The following IL10RB variants were observed in gnomAD, a reference collection of about 807,000 sequenced individuals.
The protein encoded by IL10RB is interleukin-10 receptor subunit beta.
In IL10RB, 30 loss-of-function variants were observed where a neutral mutation model predicts 38.7. The observed-to-expected ratio is 0.78, with a 90% CI of 0.58 to 1.05. The LOEUF (loss-of-function observed/expected upper bound fraction) is 1.05, where lower values mean the gene tolerates loss of function less well. Among genes scored for constraint, IL10RB ranks in the 50% least tolerant of loss-of-function variants. IL10RB has a pLI of 0.00. For synonymous variants in IL10RB, 142 were observed against 145.9 expected (o/e 0.97, Z 0.19); for missense variants, 328 against 397.1 (o/e 0.83, Z 1.48).
chr21:33,285,839 C>T (rs1316697601), intron 5 of IL10RB, among the ~76,000 whole-genome samples: 1 of 152,160 alleles, frequency 6.6e-6, no homozygotes, highest in Non-Finnish European at 1.5e-5. Flanking sequence ...CCTCACGTGT[C>T]CAGCTGTGGT....
downstream of IL10RB, among the ~76,000 whole-genome samples, chr21:33,299,140 C>A (rs1187442964): frequency 1.3e-5 from 2 of 152,198 alleles, no homozygotes; most frequent in Non-Finnish European, 2.9e-5. Flanking sequence ...TCCCTCTGCA[C>A]AAGGAAGCTC....
intron 2 of IL10RB, among the ~76,000 whole-genome samples, chr21:33,274,198 T>G (rs1016113725): frequency 1.3e-5 from 2 of 152,206 alleles, no homozygotes; most frequent in Non-Finnish European, 2.9e-5. Context: ...TTTTATTTTA[T>G]TTTTTAAGAT....
At chr21:33,303,633 G>T (rs1468789370) in intron 1 of IL10RB, among the ~76,000 whole-genome samples, 1 of 152,142 alleles carries the variant, frequency 6.6e-6, no homozygotes, top group East Asian at 1.9e-4. Flanking sequence ...GGGATTACAG[G>T]TGTTTCTGTT....
At chr21:33,291,222 C>G (rs1157470651) in intron 6 of IL10RB, among the ~76,000 whole-genome samples, 3 of 152,132 alleles carry the variant, frequency 2.0e-5, no homozygotes, top group African/African-American at 7.2e-5. Flanking sequence ...GCAACCCTAT[C>G]TCCAAATACA....
At chr21:33,291,519 G>A (rs1989486636) in intron 6 of IL10RB, among the ~76,000 whole-genome samples, 1 of 152,144 alleles carries the variant, frequency 6.6e-6, no homozygotes, top group Admixed American at 6.5e-5. Context: ...GCCCGCCCTG[G>A]CCTCCCAAAG....
At chr21:33,288,303 C>T (rs780525496) in intron 6 of IL10RB, 42 bp downstream of exon 6, 8 of 1,582,970 alleles carry the variant, frequency 5.1e-6, no homozygotes, top group Non-Finnish European at 5.2e-6. Context: ...AAACCTTGAT[C>T]GGAAAGAGCT....
At chr21:33,280,839 T>C (rs1339427920) in intron 4 of IL10RB, among the ~76,000 whole-genome samples, 3 of 152,242 alleles carry the variant, frequency 2.0e-5, no homozygotes, top group Non-Finnish European at 4.4e-5. Context: ...GTTAAATTTA[T>C]ATACACACAC....
intron 1 of IL10RB, among the ~76,000 whole-genome samples, chr21:33,302,753 G>T (rs886602145): frequency 6.6e-6 from 1 of 152,322 alleles, no homozygotes; most frequent in South Asian, 2.1e-4. Flanking sequence ...GAAGAAAGTC[G>T]AGGGGGGGAT....
chr21:33,268,239 C>G (rs2042150009), intron 1 of IL10RB, 155 bp from the exon 2 acceptor site: 1 of 1,537,774 alleles, frequency 6.5e-7, no homozygotes, highest in African/African-American at 1.4e-5. Flanking sequence ...AAAATCTAGA[C>G]TCCTCAGCAC....
At chr21:33,300,157 T>C (rs1340327703), downstream of IL10RB, among the ~76,000 whole-genome samples, 1 of 152,132 alleles carries the variant, frequency 6.6e-6, no homozygotes, top group African/African-American at 2.4e-5. Context: ...TAAATAATGA[T>C]GGCTAGGTGC....
chr21:33,286,080 G>C (rs1173744175), intron 5 of IL10RB, among the ~76,000 whole-genome samples: 2 of 152,122 alleles, frequency 1.3e-5, no homozygotes, highest in Non-Finnish European at 2.9e-5. Context: ...AAGCACAAGA[G>C]AACGAGGGCC....
At chr21:33,273,694 AT>A (rs1393362590) in intron 2 of IL10RB, among the ~76,000 whole-genome samples, 1 of 152,240 alleles carries the variant, frequency 6.6e-6, no homozygotes, top group Non-Finnish European at 1.5e-5. Context: ...CAAAATTGGA[AT>A]CCTTTCAAAC....
downstream of IL10RB, among the ~76,000 whole-genome samples, chr21:33,299,032 C>G (rs1370225875): frequency 3.3e-5 from 5 of 152,172 alleles, no homozygotes; most frequent in Admixed American, 6.5e-5. Context: ...ATCCACTATG[C>G]CCTATATAAA....
chr21:33,306,223 G>A (rs1280801308), intron 1 of IL10RB, among the ~76,000 whole-genome samples: 1 of 152,194 alleles, frequency 6.6e-6, no homozygotes, highest in Non-Finnish European at 1.5e-5. Context: ...AAGGCCTACA[G>A]CACCCAGGGA....
Position 33,307,394 on chromosome 21 carries a change from T to C in IL10RB, c.130-1582T>C, listed in dbSNP as rs570075447. ...TCTTTCATTGACTCTTTGGAGTATG[T>C]ACCCTCTTTCCCTCTAGTATATAAT... is the stretch of plus-strand genomic sequence containing the variant. On this transcript the variant is annotated intron_variant, in intron 1 of 1. Transcript: ENST00000609556. Among the ~76,000 whole-genome samples the C allele has an allele frequency of 2.6e-5, 4 of 152,312 alleles. 1 individual carries two copies. In the East Asian group the frequency reaches 7.7e-4, roughly 29 times the overall value.
intron 1 of IL10RB, among the ~76,000 whole-genome samples, chr21:33,304,784 T>C (rs542308706): frequency 6.6e-6 from 1 of 152,366 alleles, no homozygotes; most frequent in South Asian, 2.1e-4. Context: ...TGTAATCAGT[T>C]AAACCAAGCC....
intron 2 of IL10RB, among the ~76,000 whole-genome samples, chr21:33,275,703 C>T (rs1467613394): frequency 6.6e-6 from 1 of 152,256 alleles, no homozygotes; most frequent in Non-Finnish European, 1.5e-5. Context: ...ACTTGGCTAA[C>T]TGTTTGGCCC....
rs561333325 is a variant in IL10RB, at chr21:33,270,355, T to G, written c.173+1838T>G. Among the ~76,000 whole-genome samples the G allele has an allele frequency of 3.9e-5, 6 of 152,218 alleles. No individual in the cohort carries two copies. In the South Asian group the frequency reaches 1.2e-3, roughly 32 times the overall value. ...CCCTGTAGTTTTTCTTGTTCTGTGCTGTGCTTTTGGGTTTGTTTGTTTGTT... is the reference window on the plus strand; with the variant it reads ...CCCTGTAGTTTTTCTTGTTCTGTGCGGTGCTTTTGGGTTTGTTTGTTTGTT... On this transcript the variant is annotated intron_variant, in intron 2 of 6. Transcript: ENST00000290200.
intron 1 of IL10RB, among the ~76,000 whole-genome samples, chr21:33,307,516 C>T (rs59276418): frequency 0.01 from 1,548 of 152,250 alleles, 23 homozygotes; most frequent in African/African-American, 0.035. Context: ...CACCCTTTAC[C>T]GACAAACTGA....
Sources: allele counts gnomAD v4.1 joint callset (sites outside exome capture counted in the v4.1 genomes callset), GRCh38; gene constraint gnomAD v4.1.1; transcripts MANE v1.5; gene names NCBI Gene and HGNC (gene_info 2026-07-23, HGNC 2026-07-21).